Variants in B3GALT1 observed in about 807,000 individuals in gnomAD.
B3GALT1 encodes the protein beta-1,3-galactosyltransferase 1.
In B3GALT1, 10 loss-of-function variants were observed where a neutral mutation model predicts 23.2. The ratio of observed to expected loss-of-function variants is 0.43; its 90% CI spans 0.27 to 0.73. B3GALT1 has a LOEUF of 0.73. Among genes scored for constraint, B3GALT1 ranks in the 30% least tolerant of loss-of-function variants. The pLI is 0.21. For synonymous variants in B3GALT1, 156 were observed against 141.5 expected, an observed-to-expected ratio of 1.10 and a Z score of -0.73; for missense variants, 299 against 405.4, an observed-to-expected ratio of 0.74 and a Z score of 2.25.
chr2:167,399,724 A>G (rs183799565), intron 1 of B3GALT1, among the ~76,000 whole-genome samples: 265 of 152,096 alleles, frequency 1.7e-3, no homozygotes, highest in Non-Finnish European at 3.2e-3. Flanking sequence ...TTGAGTATGA[A>G]TAGTTTGTTT....
At chr2:167,434,764 CTAGAGT>C (rs1160915372) in intron 1 of B3GALT1, among the ~76,000 whole-genome samples, 1 of 128,828 alleles carries the variant, frequency 7.8e-6, no homozygotes, top group Non-Finnish European at 1.6e-5. Flanking sequence ...ATAGTTATTT[CTAGAGT>C]TAAACAGCCA....
intron 3 of B3GALT1, chr2:167,715,794 T>G: frequency 2.5e-6 from 4 of 1,613,592 alleles, no homozygotes; most frequent in Non-Finnish European, 3.4e-6. Flanking sequence ...TCAAGTAGTT[T>G]ACATTTTTCT....
At chr2:167,446,816 T>C (rs564343472) in intron 1 of B3GALT1, among the ~76,000 whole-genome samples, 2 of 152,108 alleles carry the variant, frequency 1.3e-5, no homozygotes, top group East Asian at 1.9e-4. Context: ...AACATCCTCC[T>C]TTAGCTCAGA....
intron 3 of B3GALT1, among the ~76,000 whole-genome samples, chr2:167,779,332 A>G (rs775789457): frequency 6.6e-5 from 10 of 152,200 alleles, no homozygotes; most frequent in Non-Finnish European, 1.5e-4. Context: ...AATGATCTGC[A>G]TGATTAGAAG....
At chr2:167,626,297 A>C (rs1481741024) in intron 2 of B3GALT1, among the ~76,000 whole-genome samples, 1 of 151,608 alleles carries the variant, frequency 6.6e-6, no homozygotes, top group Non-Finnish European at 1.5e-5. Flanking sequence ...ACCCATATAG[A>C]TCTTCTTTGC....
chr2:167,572,353 A>G (rs1309680706), intron 2 of B3GALT1, among the ~76,000 whole-genome samples: 5 of 151,830 alleles, frequency 3.3e-5, no homozygotes, highest in Non-Finnish European at 7.4e-5. Context: ...ATAGGCTACA[A>G]ACCTCCACTT....
chr2:167,319,830 T>C (rs539204666), intron 1 of B3GALT1, among the ~76,000 whole-genome samples: 6 of 152,250 alleles, frequency 3.9e-5, no homozygotes, highest in Admixed American at 2.6e-4. Flanking sequence ...GTTCTAAGCC[T>C]TTTGTTATGA....
At chr2:167,467,750 C>G (rs1463191387) in intron 1 of B3GALT1, among the ~76,000 whole-genome samples, 1 of 152,208 alleles carries the variant, frequency 6.6e-6, no homozygotes, top group African/African-American at 2.4e-5. Flanking sequence ...TCAACACACC[C>G]TTTATGAGCT....
rs1261048140 is a variant in B3GALT1, at chr2:167,560,887, G to C, written c.-410+70610G>C. ...CTTTAACACCCCACTGTCAACATTAGACAGATCAACGAGACAGAAAGTCAA... is the reference window on the plus strand; with the variant it reads ...CTTTAACACCCCACTGTCAACATTACACAGATCAACGAGACAGAAAGTCAA... On this transcript the variant is annotated intron_variant, in intron 2 of 4. Coordinates refer to ENST00000392690, the MANE Select transcript of B3GALT1 (RefSeq NM_020981.4). Among the ~76,000 whole-genome samples, 5 of 151,836 alleles carry C rather than the reference G, an allele frequency of 3.3e-5. No individual in the cohort carries two copies. The East Asian group carries it at 5.8e-4, about 18-fold the overall frequency.
At chr2:167,845,509 C>T (rs868437207) in intron 4 of B3GALT1, among the ~76,000 whole-genome samples, 2 of 152,272 alleles carry the variant, frequency 1.3e-5, no homozygotes, top group South Asian at 4.1e-4. Context: ...ATATTCACTG[C>T]ATTTTGGCTT....
intron 3 of B3GALT1, among the ~76,000 whole-genome samples, chr2:167,752,355 G>T (rs916491250): frequency 6.6e-6 from 1 of 152,058 alleles, no homozygotes; most frequent in African/African-American, 2.4e-5. Flanking sequence ...GAATTGCAGT[G>T]TACTTACAAA....
intron 2 of B3GALT1, among the ~76,000 whole-genome samples, chr2:167,595,333 A>T (rs1684757863): frequency 6.6e-6 from 1 of 152,192 alleles, no homozygotes; most frequent in Admixed American, 6.5e-5. Flanking sequence ...TGCATCGCCC[A>T]CCCATATCAT....
intron 4 of B3GALT1, among the ~76,000 whole-genome samples, chr2:167,856,280 A>C (rs1260704526): frequency 6.6e-6 from 1 of 152,216 alleles, no homozygotes; most frequent in African/African-American, 2.4e-5. Flanking sequence ...AAGCAGAAGG[A>C]AGGCAAACTT....
intron 4 of B3GALT1, among the ~76,000 whole-genome samples, chr2:167,853,245 C>T (rs1275267145): frequency 1.3e-5 from 2 of 152,108 alleles, no homozygotes; most frequent in Admixed American, 1.3e-4. Context: ...TGGACAGCTC[C>T]CTACTCTAGA....
chr2:167,733,865 A>G (rs1687450733), intron 3 of B3GALT1, among the ~76,000 whole-genome samples: 1 of 152,210 alleles, frequency 6.6e-6, no homozygotes, highest in Non-Finnish European at 1.5e-5. Flanking sequence ...GGCAACTGAC[A>G]GGATCCATGA....
intron 3 of B3GALT1, among the ~76,000 whole-genome samples, chr2:167,811,622 T>C (rs987556272): frequency 2.0e-5 from 3 of 151,658 alleles, no homozygotes; most frequent in Non-Finnish European, 2.9e-5. Flanking sequence ...ATTGATCTCA[T>C]TGATGTTTGC....
chr2:167,304,318 A>G (rs987123403), intron 1 of B3GALT1, among the ~76,000 whole-genome samples: 14 of 152,162 alleles, frequency 9.2e-5, no homozygotes, highest in Non-Finnish European at 8.8e-5. Flanking sequence ...GTTTTCAAAA[A>G]TATTTGAAAG....
At chr2:167,362,750 C>T (rs539755076) in intron 1 of B3GALT1, among the ~76,000 whole-genome samples, 4 of 152,222 alleles carry the variant, frequency 2.6e-5, no homozygotes, top group Admixed American at 1.3e-4. Flanking sequence ...CTGAGTAAAA[C>T]GCATGTTGTG....
At chr2:167,348,449 T>C (rs1697258517) in intron 1 of B3GALT1, among the ~76,000 whole-genome samples, 1 of 152,296 alleles carries the variant, frequency 6.6e-6, no homozygotes. Context: ...TAATATAAAT[T>C]TTATTTATGA....
Sources: gnomAD v4.1 joint callset for allele counts (sites outside exome capture counted in the v4.1 genomes callset) on GRCh38, gnomAD v4.1.1 for gene constraint, MANE v1.5 for transcripts, NCBI Gene and HGNC (gene_info 2026-07-23, HGNC 2026-07-21) for gene names.